The following ITSN2 variants were observed in gnomAD, a reference collection of about 807,000 sequenced individuals.
The protein encoded by ITSN2 is intersectin 2, also known as intersectin-2.
ITSN2 carries 156 observed loss-of-function variants against 243.7 expected under a neutral mutation model. That is an observed-to-expected ratio of 0.64 (90% CI 0.56 to 0.73). The LOEUF (loss-of-function observed/expected upper bound fraction) is 0.73, where lower values mean the gene tolerates loss of function less well. Among genes scored for constraint, ITSN2 ranks in the 30% least tolerant of loss-of-function variants. The probability of loss-of-function intolerance (pLI) is 0.00; values close to 1 mark genes in which losing one functional copy is unlikely to be tolerated. For synonymous variants in ITSN2, 703 were observed against 699.9 expected (o/e 1.00, Z -0.07); for missense variants, 1,801 against 1,996.1 (o/e 0.90, Z 1.86).
At chr2:24,297,931 TA>T (rs1486940239) in intron 13 of ITSN2, among the ~76,000 whole-genome samples, 1 of 152,182 alleles carries the variant, frequency 6.6e-6, no homozygotes, top group Non-Finnish European at 1.5e-5. Context: ...AAAATGTGAC[TA>T]ATGACATTAA....
At chr2:24,324,397 T>A (rs1475137450) in intron 2 of ITSN2, among the ~76,000 whole-genome samples, 1 of 152,018 alleles carries the variant, frequency 6.6e-6, no homozygotes. Context: ...CACAGTATGA[T>A]GCTTTCTTAT....
chr2:24,355,401 C>T (rs908310729), intron 1 of ITSN2, among the ~76,000 whole-genome samples: 1 of 152,150 alleles, frequency 6.6e-6, no homozygotes, highest in Non-Finnish European at 1.5e-5. Flanking sequence ...GCCAATGGAG[C>T]AGAACAGAGA....
intron 1 of ITSN2, among the ~76,000 whole-genome samples, chr2:24,331,487 G>GA (rs1451111785): frequency 1.3e-5 from 2 of 152,284 alleles, no homozygotes; most frequent in East Asian, 3.9e-4. Flanking sequence ...TAATGTGGAG[G>GA]AAACACCTTT....
chr2:24,306,939 G>C (rs1329216543), intron 8 of ITSN2, among the ~76,000 whole-genome samples: 1 of 151,914 alleles, frequency 6.6e-6, no homozygotes, highest in Non-Finnish European at 1.5e-5. Flanking sequence ...CAGAGTAGCT[G>C]GGACTACAGG....
chr2:24,272,008 T>G, intron 18 of ITSN2, 67 bp from the exon 19 acceptor site: 1 of 1,260,176 alleles, frequency 7.9e-7, no homozygotes. Flanking sequence ...AAAAACATAC[T>G]AAGATCTGGT....
At chr2:24,210,110 G>A in intron 34 of ITSN2, 77 bp from the exon 35 acceptor site, 2 of 1,025,304 alleles carry the variant, frequency 2.0e-6, no homozygotes, top group East Asian at 2.4e-5. Flanking sequence ...AGTGCCCTGG[G>A]CCTGAGGATA....
At chr2:24,350,972 T>C (rs1195456520) in intron 1 of ITSN2, among the ~76,000 whole-genome samples, 1 of 152,186 alleles carries the variant, frequency 6.6e-6, no homozygotes, top group East Asian at 1.9e-4. Context: ...AACACTGAAC[T>C]GTAAACTTTA....
chr2:24,206,516 A>T (rs951169815), intron 37 of ITSN2, among the ~76,000 whole-genome samples: 3 of 140,698 alleles, frequency 2.1e-5, no homozygotes, highest in Non-Finnish European at 4.7e-5. Flanking sequence ...CCTGGCATTC[A>T]TGTGGAGGCT....
chr2:24,262,737 T>C (rs1447633240), intron 20 of ITSN2, among the ~76,000 whole-genome samples: 4 of 152,222 alleles, frequency 2.6e-5, no homozygotes, highest in Non-Finnish European at 4.4e-5. Context: ...GCAACATGCC[T>C]ATACTTTCAA....
Position 24,209,234 on chromosome 2 carries a change from G to A in ITSN2, c.4474-13C>T. On this transcript the variant is annotated splice_polypyrimidine_tract_variant and intron_variant, in intron 35 of 39. Transcript: ENST00000355123. ...TCAGGAAAATGGGCTGAAAGAATTA[G>A]GGCCAAAACACAGGCTGTGAGATGG... is the stretch of plus-strand genomic sequence containing the variant. 1 of 1,613,876 alleles carries A rather than the reference G, an allele frequency of 6.2e-7. No homozygotes were observed. The highest frequency in any genetic ancestry group is 8.5e-7 in the Non-Finnish European group (1 of 1,179,846).
intron 10 of ITSN2, 43 bp downstream of exon 10, chr2:24,301,922 C>G (rs750328341): frequency 4.5e-6 from 7 of 1,554,144 alleles, no homozygotes; most frequent in Non-Finnish European, 6.1e-6. Context: ...TCACATCTGC[C>G]AAGTTATCAA....
At chr2:24,210,659 C>A in intron 34 of ITSN2, 121 bp downstream of exon 34, 2 of 715,022 alleles carry the variant, frequency 2.8e-6, no homozygotes. Context: ...TTTGCAGGGG[C>A]AGGGTGGTGA....
rs573240350 is a variant in ITSN2, at chr2:24,299,940, T to C, written c.1313A>G (p.Glu438Gly). 2.9e-4 allele frequency: 466 copies of C among 1,611,796 alleles called. 4 individuals are homozygous for C. In the South Asian group the frequency reaches 4.8e-3, roughly 16 times the overall value. Residue 438 changes from glutamate to glycine, a missense_variant, in exon 12 of 40, where the codon GAA becomes GGA. By Grantham distance (98) the Glu-to-Gly change is moderately conservative. Around this residue, in one of 5 missense-constraint regions of ITSN2, gnomAD observed 787 missense variants for 803.9 expected, o/e 0.98. Transcript: ENST00000355123. ...KQRELERQRE[E>G]ERRKDIERRE... ...TCTTTCTATGTCTTTTCTCCTTTCT[T>C]CCTCTCGTTGTCTCTCCAATTCCCG...
intron 1 of ITSN2, among the ~76,000 whole-genome samples, chr2:24,356,583 G>T (rs1020026722): frequency 4.0e-5 from 6 of 151,874 alleles, no homozygotes; most frequent in Non-Finnish European, 8.8e-5. Flanking sequence ...ATGAAAAAAG[G>T]CTCAACATCA....
chr2:24,276,786 A>C (rs983751121), intron 17 of ITSN2, among the ~76,000 whole-genome samples: 1 of 152,246 alleles, frequency 6.6e-6, no homozygotes. Context: ...AAAGGACATA[A>C]GCATAATCCA....
intron 31 of ITSN2, among the ~76,000 whole-genome samples, chr2:24,216,483 C>T (rs923162284): frequency 6.6e-6 from 1 of 152,160 alleles, no homozygotes; most frequent in Admixed American, 6.5e-5. Flanking sequence ...GGGCTGGGCA[C>T]GGTGGCTCAT....
chr2:24,357,191 G>A (rs1388747432), intron 1 of ITSN2, among the ~76,000 whole-genome samples: 4 of 152,148 alleles, frequency 2.6e-5, no homozygotes, highest in Non-Finnish European at 5.9e-5. Flanking sequence ...GTTTACTACA[G>A]CACTATTTAC....
Position 24,218,001 on chromosome 2 carries a change from G to A in ITSN2, c.3712C>T (p.Arg1238Cys), listed in dbSNP as rs202237817. ...LQLVVEVFQK[R>C]MAESGFLTEG... ...GTGAGAAAGCCTGACTCTGCCATGC[G>A]TTTCTGAAAAACCTAAAGTCAAAAC... Residue 1238 changes from arginine to cysteine, a missense_variant, in exon 31 of 40, where the codon CGC (arginine) becomes TGC (cysteine). Coordinates refer to ENST00000355123, the MANE Select transcript of ITSN2 (RefSeq NM_006277.3). 7.7e-5 allele frequency: 124 copies of A among 1,613,366 alleles called. No individual in the cohort carries two copies. Among genetic ancestry groups the A allele is most frequent in the Middle Eastern group, 4.9e-4 (3 of 6,080 alleles).
chr2:24,306,494 T>C (rs1395464570), intron 8 of ITSN2, among the ~76,000 whole-genome samples: 3 of 152,214 alleles, frequency 2.0e-5, no homozygotes, highest in Admixed American at 6.5e-5. Context: ...TTCAATACCA[T>C]ACCTGTGAAA....
Sources: gnomAD v4.1 joint callset for allele counts (sites outside exome capture counted in the v4.1 genomes callset) on GRCh38, gnomAD v4.1.1 for gene constraint, gnomAD v4.1.1 regional missense constraint, MANE v1.5 for transcripts, NCBI Gene and HGNC (gene_info 2026-07-23, HGNC 2026-07-21) for gene names.